The following NKAIN3 variants were observed in gnomAD, a reference collection of about 807,000 sequenced individuals.
NKAIN3 encodes sodium/potassium transporting ATPase interacting 3, also known as sodium/potassium-transporting ATPase subunit beta-1-interacting protein 3.
In NKAIN3, 25 loss-of-function variants were observed where a neutral mutation model predicts 30.2. That is an observed-to-expected ratio of 0.83 (90% confidence interval 0.60 to 1.16). The LOEUF (loss-of-function observed/expected upper bound fraction) is 1.16. Ranked by LOEUF, NKAIN3 falls within the 50% of genes most tolerant of loss-of-function variation. The pLI is 0.00. For synonymous variants in NKAIN3, 91 were observed against 89.6 expected (o/e 1.02, Z -0.09); for missense variants, 225 against 254.1 (o/e 0.89, Z 0.78).
intron 4 of NKAIN3, among the ~76,000 whole-genome samples, chr8:62,889,522 A>C (rs1337576064): frequency 1.3e-5 from 2 of 152,218 alleles, no homozygotes; most frequent in African/African-American, 4.8e-5. Flanking sequence ...CCAAGGAGGG[A>C]GCCATCACTT....
chr8:62,692,794 T>A (rs1039004444), intron 3 of NKAIN3, among the ~76,000 whole-genome samples: 1 of 152,246 alleles, frequency 6.6e-6, no homozygotes, highest in African/African-American at 2.4e-5. Context: ...TTTCATCCAC[T>A]TCATTAATTT....
intron 1 of NKAIN3, among the ~76,000 whole-genome samples, chr8:62,536,596 C>T (rs1394266513): frequency 4.6e-5 from 7 of 151,582 alleles, no homozygotes; most frequent in Admixed American, 2.6e-4. Flanking sequence ...CTAGTAAGGC[C>T]TGAGGAAAAC....
intron 4 of NKAIN3, among the ~76,000 whole-genome samples, chr8:62,836,302 C>T (rs964609480): frequency 1.3e-5 from 2 of 151,992 alleles, no homozygotes; most frequent in Non-Finnish European, 2.9e-5. Flanking sequence ...CAAACCTGCA[C>T]ATATACCGCC....
intron 3 of NKAIN3, among the ~76,000 whole-genome samples, chr8:62,668,624 A>G (rs1813205557): frequency 1.3e-5 from 2 of 152,194 alleles, no homozygotes; most frequent in Non-Finnish European, 2.9e-5. Flanking sequence ...CTAGAATAAA[A>G]ATTACAAAAT....
At chr8:62,500,862 C>T (rs556128201) in intron 1 of NKAIN3, among the ~76,000 whole-genome samples, 2 of 152,184 alleles carry the variant, frequency 1.3e-5, no homozygotes, top group Admixed American at 6.5e-5. Flanking sequence ...TCTTGCCACT[C>T]TCTATGTCTA....
At chr8:62,573,141 A>G (rs901154324) in intron 1 of NKAIN3, among the ~76,000 whole-genome samples, 1 of 152,178 alleles carries the variant, frequency 6.6e-6, no homozygotes, top group East Asian at 1.9e-4. Context: ...CATACAAAAT[A>G]TAGACACATA....
At chr8:62,338,231 T>C (rs1352087341) in intron 1 of NKAIN3, among the ~76,000 whole-genome samples, 1 of 151,992 alleles carries the variant, frequency 6.6e-6, no homozygotes, top group Non-Finnish European at 1.5e-5. Flanking sequence ...TTTTCTCGTT[T>C]GTTTAGAAAC....
intron 3 of NKAIN3, among the ~76,000 whole-genome samples, chr8:62,740,477 T>C (rs112733891): frequency 2.6e-5 from 4 of 152,110 alleles, no homozygotes; most frequent in African/African-American, 9.7e-5. Context: ...AAAATGATTA[T>C]TGTTAGAAGT....
At chr8:62,934,824 G>T (rs1327833513) in intron 5 of NKAIN3, among the ~76,000 whole-genome samples, 1 of 152,088 alleles carries the variant, frequency 6.6e-6, no homozygotes, top group Non-Finnish European at 1.5e-5. Flanking sequence ...CTCATGGTTT[G>T]TGCTACTGGG....
chr8:62,881,533 C>G (rs1414582086), intron 4 of NKAIN3, among the ~76,000 whole-genome samples: 1 of 152,144 alleles, frequency 6.6e-6, no homozygotes, highest in Non-Finnish European at 1.5e-5. Context: ...TAGCACATCG[C>G]TCAATAGGAT....
At chr8:62,814,477 G>T (rs1202386661) in intron 4 of NKAIN3, among the ~76,000 whole-genome samples, 3 of 151,798 alleles carry the variant, frequency 2.0e-5, no homozygotes, top group Non-Finnish European at 4.4e-5. Context: ...CCACATAGTT[G>T]GAAGTAAAGC....
chr8:62,398,881 G>A (rs1417617787), intron 1 of NKAIN3, among the ~76,000 whole-genome samples: 6 of 152,196 alleles, frequency 3.9e-5, no homozygotes, highest in African/African-American at 1.4e-4. Flanking sequence ...CACGAGGTCA[G>A]GAGATCGAGA....
intron 4 of NKAIN3, among the ~76,000 whole-genome samples, chr8:62,889,504 A>T (rs1044788522): frequency 2.0e-5 from 3 of 152,236 alleles, no homozygotes; most frequent in African/African-American, 7.2e-5. Context: ...AGTAAATAGT[A>T]GATTCTCCCA....
At chr8:62,401,532 A>G (rs4361756) in intron 1 of NKAIN3, among the ~76,000 whole-genome samples, 147,570 of 152,230 alleles carry the variant, frequency 0.97, 71,579 homozygotes, top group East Asian at 1. Context: ...AGGCATTTAT[A>G]GTAGTATTTG....
At chr8:62,353,257 G>A (rs1196013507) in intron 1 of NKAIN3, among the ~76,000 whole-genome samples, 2 of 152,196 alleles carry the variant, frequency 1.3e-5, no homozygotes, top group Non-Finnish European at 2.9e-5. Flanking sequence ...TAGTTTAAGT[G>A]TAGTTTAATA....
chr8:62,306,577 T>A (rs865926480), intron 1 of NKAIN3, among the ~76,000 whole-genome samples: 2 of 123,708 alleles, frequency 1.6e-5, no homozygotes, highest in East Asian at 4.7e-4. Context: ...TGTGTGTGTG[T>A]TGTGTGTGTG....
intron 3 of NKAIN3, among the ~76,000 whole-genome samples, chr8:62,619,494 C>A (rs1190147138): frequency 1.3e-5 from 2 of 152,052 alleles, no homozygotes; most frequent in Non-Finnish European, 2.9e-5. Flanking sequence ...CCTGGAAGCC[C>A]CCGCTTTAAT....
chr8:62,552,186 T>C (rs1348407590), intron 1 of NKAIN3, among the ~76,000 whole-genome samples: 1 of 152,232 alleles, frequency 6.6e-6, no homozygotes. Flanking sequence ...TTTCTTGTTT[T>C]ATTTCCAAGT....
In NKAIN3 at chr8:62,834,049, C is replaced by T. The variant is rs568026601; in HGVS notation, c.472-84404C>T. On this transcript the variant is annotated intron_variant, in intron 4 of 6. Transcript: ENST00000623646. ...ATGCAAGTCAGTAAATGTGATTTACCACATAACAGAATGAAAAACAAAAAT... is the reference window on the plus strand; with the variant it reads ...ATGCAAGTCAGTAAATGTGATTTACTACATAACAGAATGAAAAACAAAAAT... Among the ~76,000 whole-genome samples the T allele has an allele frequency of 2.6e-5, 4 of 152,106 alleles. No homozygotes were observed. In the South Asian group the frequency reaches 8.3e-4, roughly 32 times the overall value.
Sources: allele counts gnomAD v4.1 joint callset (sites outside exome capture counted in the v4.1 genomes callset), GRCh38; gene constraint gnomAD v4.1.1; transcripts MANE v1.5; gene names NCBI Gene and HGNC (gene_info 2026-07-23, HGNC 2026-07-21).